Variants in SYNJ1 observed in about 807,000 individuals in gnomAD.
SYNJ1 encodes the protein synaptojanin 1.
SYNJ1 carries 78 observed loss-of-function variants against 168.2 expected under a neutral mutation model. The ratio of observed to expected loss-of-function variants is 0.46; its 90% CI spans 0.39 to 0.56. The LOEUF (loss-of-function observed/expected upper bound fraction) is 0.56. Among genes scored for constraint, SYNJ1 ranks in the 20% least tolerant of loss-of-function variants. SYNJ1 has a pLI of 0.00. For synonymous variants in SYNJ1, 539 were observed against 548.6 expected (o/e 0.98, Z 0.24); for missense variants, 1,303 against 1,597.6 (o/e 0.82, Z 3.14).
chr21:32,683,945 ACT>A, intron 10 of SYNJ1, 91 bp downstream of exon 10: 1 of 1,103,476 alleles, frequency 9.1e-7, no homozygotes, highest in Non-Finnish European at 1.4e-6. Flanking sequence ...CATTACATAC[ACT>A]TTCTGGAAGG....
chr21:32,700,178 CTAT>C, intron 3 of SYNJ1, 73 bp from the exon 4 acceptor site: 1 of 1,476,794 alleles, frequency 6.8e-7, no homozygotes, highest in East Asian at 2.3e-5. Flanking sequence ...TCTTGCACCT[CTAT>C]TTTTTAAATC....
rs189381779 is a variant in SYNJ1, at chr21:32,685,347, G to A, written c.1118+401C>T. On this transcript the variant is annotated intron_variant, in intron 9 of 32. Transcript: ENST00000674351. ...CATGCCTGTAAACCTAGCACTTTGG[G>A]AGGCTGAGGCAGGTGGATCACTTGA... Among the ~76,000 whole-genome samples the A allele has an allele frequency of 2.8e-3, 422 of 150,940 alleles. 6 individuals carry two copies. Among genetic ancestry groups the A allele is most frequent in the African/African-American group, 9.9e-3 (405 of 41,032 alleles).
At position 32,645,734 on chromosome 21, in the gene SYNJ1, C is replaced by T; in HGVS notation, c.3303G>A (p.Gln1101=). Residue 1101 remains glutamine, a synonymous_variant, in exon 25 of 33, where the codon CAG becomes CAA. Transcript: ENST00000674351. ...GCGGCGGCCGCTTGGGCTCCAAGGG[C>T]TGGGCGGGGTCTTTCTGCGGCAGCG... ...ATPLPQKDPA[Q]PLEPKRPPPP... The T allele has an allele frequency of 6.8e-7, 1 of 1,468,300 alleles. No individual in the cohort carries two copies. Among genetic ancestry groups the T allele is most frequent in the African/African-American group, 1.4e-5 (1 of 70,094 alleles). 91.0% of individuals were successfully genotyped at this position (1,468,300 alleles called of 1,614,324 possible). A position where few individuals can be genotyped will look rare whatever the true frequency, so the allele number is the denominator to read the frequency against.
chr21:32,673,342 T>G lies in SYNJ1; in HGVS notation c.1724A>C (p.Gln575Pro). The G allele has an allele frequency of 2.5e-6, 4 of 1,604,062 alleles. No homozygotes were observed. The highest frequency in any genetic ancestry group is 3.4e-6 in the Non-Finnish European group (4 of 1,176,058). The change falls in exon 14 of 33, where the codon CAA (glutamine) becomes CCA (proline). Residue 575 changes from glutamine (Q) to proline (P), a missense_variant and splice_region_variant. By Grantham distance (76) the Gln-to-Pro change is moderately conservative. Around this residue, in one of 2 missense-constraint regions of SYNJ1, gnomAD observed 920 missense variants for 1,208.8 expected, o/e 0.76. Coordinates refer to ENST00000674351, the MANE Select transcript of SYNJ1 (RefSeq NM_203446.3). ...AATCCATATTATAAAAAGCCAACCT[T>G]GAAACTCCTGGATGCCAGCTAACTT... ...APKLAGIQEF[Q>P]DKRSKPTDIF... is the part of the protein sequence containing the mutation.
chr21:32,655,368 C>T (rs1422461686), intron 21 of SYNJ1, among the ~76,000 whole-genome samples: 1 of 152,184 alleles, frequency 6.6e-6, no homozygotes, highest in Non-Finnish European at 1.5e-5. Context: ...TGTGTACTTT[C>T]AAGAACCTTA....
chr21:32,676,645 T>C (rs1264511649), intron 12 of SYNJ1, among the ~76,000 whole-genome samples: 2 of 152,298 alleles, frequency 1.3e-5, no homozygotes, highest in South Asian at 2.1e-4. Context: ...ATGTTATGCA[T>C]GCATGCGCAC....
chr21:32,695,185 A>T lies in SYNJ1; in HGVS notation c.577T>A (p.Tyr193Asn). 6.2e-7 allele frequency: 1 copy of T among 1,614,156 alleles called. No individual in the cohort carries two copies. The highest frequency in any genetic ancestry group is 8.5e-7 in the Non-Finnish European group (1 of 1,180,016). ...MCGGVEIRTI[Y>N]AAHKQAKACL... ...GCCTTCGCCTGTTTATGAGCAGCAT[A>T]AATTGTTCTGATTTCTACTCCTCCA... Residue 193 changes from tyrosine to asparagine, a missense_variant, in exon 5 of 33, where the codon TAT becomes AAT. Tyr to Asn is a moderately radical substitution (Grantham distance 143, BLOSUM62 -2). This residue lies in a region of SYNJ1 where 920 missense variants were observed against 1,208.8 expected (regional missense o/e 0.76). Transcript: ENST00000674351.
chr21:32,722,598 T>C (rs1396720075), intron 2 of SYNJ1, among the ~76,000 whole-genome samples: 2 of 152,218 alleles, frequency 1.3e-5, no homozygotes. Flanking sequence ...TTTTCAAACA[T>C]AATAACTGCA....
chr21:32,657,870 A>G lies in SYNJ1; in HGVS notation c.2307T>C (p.Val769=), dbSNP rs145411448. ...CCTTTCCTTCTAAAAATCCTCTAAA[A>G]ACCTAAAATAAACATATACAAAGTA... The part of the protein sequence containing the change: ...QLINQKNAGQ[V]FRGFLEGKVT... Residue 769 remains valine (V), a splice_region_variant and synonymous_variant, in exon 19 of 33, where the codon GTT becomes GTC. Coordinates refer to ENST00000674351, the MANE Select transcript of SYNJ1 (RefSeq NM_203446.3). 1.2e-6 allele frequency: 2 copies of G among 1,607,526 alleles called. No homozygotes were observed. Among genetic ancestry groups the G allele is most frequent in the African/African-American group, 2.7e-5 (2 of 74,408 alleles).
chr21:32,631,862 T>C (rs922730985), intron 32 of SYNJ1, 61 bp from the exon 33 acceptor site: 109 of 1,405,702 alleles, frequency 7.8e-5, no homozygotes, highest in Non-Finnish European at 1.1e-5. Context: ...CCCCCTATTC[T>C]TCCTGTCTCA....
intron 23 of SYNJ1, among the ~76,000 whole-genome samples, chr21:32,647,988 C>T (rs1238207196): frequency 1.3e-5 from 2 of 152,158 alleles, no homozygotes; most frequent in South Asian, 2.1e-4. Context: ...TTCAACACTT[C>T]ACAGAGAAGA....
intron 3 of SYNJ1, 44 bp downstream of exon 3, chr21:32,701,917 T>C: frequency 7.0e-7 from 1 of 1,422,256 alleles, no homozygotes; most frequent in South Asian, 1.5e-5. Flanking sequence ...AATTACAAAA[T>C]AGAAATGAAA....
Position 32,629,760 on chromosome 21 carries a change from C to T in SYNJ1, c.*2045G>A, listed in dbSNP as rs2039250784. On this transcript the variant is annotated 3_prime_UTR_variant, in exon 33 of 33. Coordinates refer to ENST00000674351, the MANE Select transcript of SYNJ1 (RefSeq NM_203446.3). Reference sequence around the variant, plus strand: ...TTTACTTAATGATATCAAAATACTACATTCTGTAAAAATTCTGTGTACTTC... The same window carrying T: ...TTTACTTAATGATATCAAAATACTATATTCTGTAAAAATTCTGTGTACTTC... The T allele has an allele frequency of 6.6e-6, 1 of 152,322 alleles. No homozygotes were observed. Among genetic ancestry groups the T allele is most frequent in the African/African-American group, 2.4e-5 (1 of 41,460 alleles). The allele number at this position is 152,322 out of a possible 1,614,324, so 9.4% of individuals were successfully genotyped here.
At position 32,662,841 on chromosome 21, in the gene SYNJ1, A is replaced by G. The variant is rs1009775628; in HGVS notation, c.2304+2072T>C. On this transcript the variant is annotated intron_variant, in intron 18 of 32. Transcript: ENST00000674351. The stretch of plus-strand genomic sequence containing the variant: ...GTGGCCCTTCCTGTACTAAGGGACA[A>G]TGTAACCCCTTAGAGCTAGTAATAA... Among the ~76,000 whole-genome samples the G allele has an allele frequency of 2.6e-5, 4 of 152,286 alleles. No individual in the cohort carries two copies. The South Asian group carries it at 8.3e-4, about 32-fold the overall frequency.
At position 32,631,716 on chromosome 21, in the gene SYNJ1, G is replaced by A. The variant is rs2039336435; in HGVS notation, c.*89C>T. The A allele has an allele frequency of 6.2e-7, 1 of 1,614,218 alleles. No individual in the cohort carries two copies. The highest frequency in any genetic ancestry group is 1.3e-5 in the African/African-American group (1 of 75,050). On this transcript the variant is annotated 3_prime_UTR_variant, in exon 33 of 33. Transcript: ENST00000674351. ...AACAGATAGCTGAGCCTTTGATACA[G>A]CAAGCAGATTAAATGACAGATCTTC... is the stretch of plus-strand genomic sequence containing the variant.
At position 32,678,752 on chromosome 21, in the gene SYNJ1, A is replaced by G. The variant is rs1300939697; in HGVS notation, c.1403T>C (p.Phe468Ser). Residue 468 changes from phenylalanine (F) to serine (S), a missense_variant, in exon 12 of 33, where the codon TTT (phenylalanine) becomes TCT (serine). Physicochemically the swap from Phe to Ser is radical, Grantham distance 155. This residue lies in a region of SYNJ1 where 920 missense variants were observed against 1,208.8 expected (regional missense o/e 0.76). Coordinates refer to ENST00000674351, the MANE Select transcript of SYNJ1 (RefSeq NM_203446.3). ...AATGGCCTCTTGCTTGGAGCTGTCA[A>G]AGAAGTTATTCTGAATTGTTCGGGT... is the stretch of plus-strand genomic sequence containing the variant. ...SVTRTIQNNF[F>S]DSSKQEAIDV... 1.2e-6 allele frequency: 2 copies of G among 1,613,484 alleles called. No homozygotes were observed. The highest frequency in any genetic ancestry group is 1.1e-5 in the South Asian group (1 of 90,988).
At chr21:32,665,124 G>T in intron 17 of SYNJ1, 53 bp from the exon 18 acceptor site, 1 of 1,521,554 alleles carries the variant, frequency 6.6e-7, no homozygotes, top group South Asian at 1.2e-5. Context: ...GTTCAAAAAT[G>T]TTTTACAACT....
At position 32,695,071 on chromosome 21, in the gene SYNJ1, C is replaced by T. The variant is rs2042154653; in HGVS notation, c.691G>A (p.Val231Ile). The change falls in exon 5 of 33, where the codon GTA becomes ATA. Residue 231 changes from valine (V) to isoleucine (I), a missense_variant. Transcript: ENST00000674351. The stretch of plus-strand genomic sequence containing the variant: ...ACTATATATACCTGTTCTGTTTCTA[C>T]AAAATTGGCAACATGACCATCATCA... Reference protein sequence around the residue: ...TNDDGHVANFVETEQVVYLDD... With the variant: ...TNDDGHVANFIETEQVVYLDD... The T allele has an allele frequency of 6.2e-7, 1 of 1,614,060 alleles. No homozygotes were observed. The highest frequency in any genetic ancestry group is 8.5e-7 in the Non-Finnish European group (1 of 1,179,990).
intron 7 of SYNJ1, among the ~76,000 whole-genome samples, chr21:32,687,962 T>C (rs983880464): frequency 1.3e-5 from 2 of 152,056 alleles, no homozygotes; most frequent in African/African-American, 4.8e-5. Context: ...TTCTTTTTTA[T>C]TTTTTAAGGC....
Sources: allele counts gnomAD v4.1 joint callset (sites outside exome capture counted in the v4.1 genomes callset), GRCh38; gene constraint gnomAD v4.1.1; regional missense constraint gnomAD v4.1.1; transcripts MANE v1.5; gene names NCBI Gene and HGNC (gene_info 2026-07-23, HGNC 2026-07-21).